Variants in ATG10 observed in about 807,000 individuals in gnomAD.
ATG10 encodes autophagy related 10, also known as ubiquitin-like-conjugating enzyme ATG10.
Under a neutral mutation model 32.1 loss-of-function variants are expected in ATG10, and 30 were observed. The observed-to-expected ratio is 0.94, with a 90% CI of 0.70 to 1.27. The LOEUF is 1.27. Ranked by LOEUF, ATG10 falls within the 50% of genes most tolerant of loss-of-function variation. ATG10 has a pLI of 0.00. For missense variants in ATG10, 233 were observed against 262.3 expected (o/e 0.89, Z 0.77); for synonymous variants, 87 against 91.5 (o/e 0.95, Z 0.28).
At chr5:82,137,396 T>C (rs1766806371) in intron 3 of ATG10, among the ~76,000 whole-genome samples, 1 of 152,204 alleles carries the variant, frequency 6.6e-6, no homozygotes, top group African/African-American at 2.4e-5. Flanking sequence ...ATGTCGTTTT[T>C]GCATGGTCAT....
rs554575634 is a variant in ATG10, at chr5:82,182,108, G to T, written c.453+3521G>T. ...AAGGGATTCCTGTGATCTTGGCATG[G>T]CCTAAAGTCACAAAATAAAAATGGG... On this transcript the variant is annotated intron_variant, in intron 5 of 7. Coordinates refer to ENST00000282185, the MANE Select transcript of ATG10 (RefSeq NM_031482.5). Among the ~76,000 whole-genome samples, 12 of 152,214 alleles carry T rather than the reference G, an allele frequency of 7.9e-5. 1 individual carries two copies. The South Asian group carries it at 2.3e-3, about 29-fold the overall frequency.
At chr5:82,242,016 T>TA (rs1352656531) in intron 5 of ATG10, among the ~76,000 whole-genome samples, 2 of 151,338 alleles carry the variant, frequency 1.3e-5, no homozygotes, top group Admixed American at 6.6e-5. Flanking sequence ...AAGGTCACAA[T>TA]AAAAAAAATA....
At chr5:82,251,594 C>T (rs1439294786) in intron 5 of ATG10, among the ~76,000 whole-genome samples, 2 of 152,166 alleles carry the variant, frequency 1.3e-5, no homozygotes, top group Non-Finnish European at 2.9e-5. Context: ...TCACGGGCCC[C>T]GTCATCTGCT....
chr5:82,025,590 G>A (rs1430926721), intron 2 of ATG10, among the ~76,000 whole-genome samples: 1 of 152,138 alleles, frequency 6.6e-6, no homozygotes, highest in Non-Finnish European at 1.5e-5. Context: ...TTACTGTGCC[G>A]TGACATGTTA....
chr5:82,176,119 T>C (rs1744010666), intron 4 of ATG10, among the ~76,000 whole-genome samples: 1 of 152,226 alleles, frequency 6.6e-6, no homozygotes, highest in East Asian at 1.9e-4. Flanking sequence ...TCATTACTGA[T>C]TACCAGATAT....
At chr5:82,163,088 T>C (rs569839825) in intron 3 of ATG10, among the ~76,000 whole-genome samples, 1 of 152,134 alleles carries the variant, frequency 6.6e-6, no homozygotes, top group Admixed American at 6.5e-5. Flanking sequence ...AGCAACCCAA[T>C]TATTGACCAA....
intron 2 of ATG10, among the ~76,000 whole-genome samples, chr5:82,046,664 T>C (rs891793283): frequency 1.3e-5 from 2 of 152,164 alleles, no homozygotes; most frequent in African/African-American, 4.8e-5. Flanking sequence ...TCTGAGGAGT[T>C]AAACTGCTTA....
chr5:82,004,631 C>A (rs765209868), intron 2 of ATG10, among the ~76,000 whole-genome samples: 2 of 152,072 alleles, frequency 1.3e-5, no homozygotes, highest in Non-Finnish European at 2.9e-5. Context: ...ATATCCTATC[C>A]AGGCAGCAAC....
At chr5:82,032,809 T>C (rs1762780904) in intron 2 of ATG10, among the ~76,000 whole-genome samples, 1 of 151,786 alleles carries the variant, frequency 6.6e-6, no homozygotes, top group Non-Finnish European at 1.5e-5. Context: ...TAGTGATTGC[T>C]ATGTGCCAGA....
chr5:82,036,769 G>A (rs1297146185), intron 2 of ATG10, among the ~76,000 whole-genome samples: 1 of 151,874 alleles, frequency 6.6e-6, no homozygotes, highest in African/African-American at 2.4e-5. Context: ...CAGTAAAGTT[G>A]TGCAGTTTTC....
At chr5:82,142,237 A>G (rs1050580578) in intron 3 of ATG10, among the ~76,000 whole-genome samples, 1 of 152,238 alleles carries the variant, frequency 6.6e-6, no homozygotes, top group Non-Finnish European at 1.5e-5. Context: ...ACAGACTCAT[A>G]TATAAATAAT....
At chr5:82,003,875 C>T (rs1761917407) in intron 2 of ATG10, among the ~76,000 whole-genome samples, 2 of 152,196 alleles carry the variant, frequency 1.3e-5, no homozygotes, top group African/African-American at 4.8e-5. Context: ...AATGGTGGCT[C>T]ATGCCTGTAA....
intron 5 of ATG10, among the ~76,000 whole-genome samples, chr5:82,198,042 G>A (rs906866392): frequency 6.6e-6 from 1 of 152,136 alleles, no homozygotes; most frequent in Non-Finnish European, 1.5e-5. Context: ...AAGCATAGGA[G>A]GATTGGGCCT....
chr5:81,981,965 T>TA (rs770940542), intron 1 of ATG10, among the ~76,000 whole-genome samples: 27 of 152,358 alleles, frequency 1.8e-4, no homozygotes, highest in Middle Eastern at 6.8e-3. Context: ...AAGCTTCTTC[T>TA]ATCCTTCTAG....
At chr5:82,058,669 T>C in intron 3 of ATG10, 67 bp downstream of exon 3, 3 of 1,061,424 alleles carry the variant, frequency 2.8e-6, no homozygotes, top group Admixed American at 3.6e-5. Context: ...ATGTATACTT[T>C]AATGACTCCA....
chr5:81,994,867 A>T (rs1761614879), intron 2 of ATG10, among the ~76,000 whole-genome samples: 1 of 152,168 alleles, frequency 6.6e-6, no homozygotes, highest in African/African-American at 2.4e-5. Flanking sequence ...CATGTTTGTC[A>T]TGGTGAATCA....
intron 3 of ATG10, chr5:82,078,624 A>C (rs1486859497): frequency 6.6e-6 from 1 of 152,192 alleles, no homozygotes; most frequent in Non-Finnish European, 1.5e-5. Flanking sequence ...CCCAGATTGG[A>C]AATGGAGCAG....
At chr5:82,118,400 A>ATATATATATGTATATATATATATATAT (rs371581160) in intron 3 of ATG10, among the ~76,000 whole-genome samples, 1 of 115,838 alleles carries the variant, frequency 8.6e-6, no homozygotes, top group Non-Finnish European at 1.9e-5. Context: ...ATATATATAT[A>ATATATATATGTATATATATATATATAT]TATATGTATG....
intron 3 of ATG10, among the ~76,000 whole-genome samples, chr5:82,138,157 T>A (rs1404682779): frequency 1.3e-5 from 2 of 152,210 alleles, no homozygotes; most frequent in Non-Finnish European, 2.9e-5. Context: ...CTTAGCTTGC[T>A]GGGCTCCCCA....
Sources: allele counts gnomAD v4.1 joint callset (sites outside exome capture counted in the v4.1 genomes callset), GRCh38; gene constraint gnomAD v4.1.1; transcripts MANE v1.5; gene names NCBI Gene and HGNC (gene_info 2026-07-23, HGNC 2026-07-21).